Variants in ERBB4 observed in about 807,000 individuals in gnomAD.
The protein encoded by ERBB4 is receptor tyrosine-protein kinase erbB-4.
ERBB4 carries 42 observed loss-of-function variants against 158.0 expected under a neutral mutation model. The observed-to-expected ratio is 0.27, with a 90% CI of 0.21 to 0.34. The LOEUF is 0.34. ERBB4 is among the 10% of genes least tolerant of loss of function. The pLI is 1.00. For synonymous variants in ERBB4, 583 were observed against 558.7 expected (o/e 1.04, Z -0.61); for missense variants, 1,333 against 1,624.1 (o/e 0.82, Z 3.08).
intron 1 of ERBB4, among the ~76,000 whole-genome samples, chr2:212,141,066 C>A (rs772328047): frequency 3.3e-5 from 5 of 151,654 alleles, no homozygotes; most frequent in Non-Finnish European, 7.4e-5. Flanking sequence ...TATTATATAA[C>A]TAACGTCTAT....
chr2:211,918,813 T>C (rs1222072524), intron 3 of ERBB4, among the ~76,000 whole-genome samples: 1 of 152,170 alleles, frequency 6.6e-6, no homozygotes. Flanking sequence ...AGAATATTTT[T>C]GCCTGCATCC....
At chr2:211,867,970 C>A (rs773598009) in intron 3 of ERBB4, among the ~76,000 whole-genome samples, 2 of 152,188 alleles carry the variant, frequency 1.3e-5, no homozygotes, top group Non-Finnish European at 2.9e-5. Flanking sequence ...GCATCTTTTA[C>A]AATCATGGCA....
At chr2:211,555,044 A>T (rs2125708729) in intron 20 of ERBB4, among the ~76,000 whole-genome samples, 1 of 152,340 alleles carries the variant, frequency 6.6e-6, no homozygotes, top group South Asian at 2.1e-4. Context: ...ATAAAGCATC[A>T]AGAAGGCATA....
chr2:211,772,306 A>G (rs1453761728), intron 4 of ERBB4, among the ~76,000 whole-genome samples: 1 of 152,194 alleles, frequency 6.6e-6, no homozygotes, highest in East Asian at 1.9e-4. Flanking sequence ...ATATGGTATA[A>G]TTTAAGACTG....
At chr2:212,502,194 G>A (rs1194243842) in intron 1 of ERBB4, among the ~76,000 whole-genome samples, 1 of 151,924 alleles carries the variant, frequency 6.6e-6, no homozygotes, top group Middle Eastern at 3.2e-3. Flanking sequence ...AGCTTATTAT[G>A]CATAAAATAA....
chr2:211,622,912 G>C (rs867092252), intron 18 of ERBB4, among the ~76,000 whole-genome samples: 1 of 132,614 alleles, frequency 7.5e-6, no homozygotes, highest in African/African-American at 2.9e-5. Flanking sequence ...GCAGTGAGTG[G>C]AGATCACACC....
chr2:211,507,440 T>C (rs2065779664), intron 20 of ERBB4, among the ~76,000 whole-genome samples: 1 of 152,094 alleles, frequency 6.6e-6, no homozygotes, highest in Non-Finnish European at 1.5e-5. Context: ...GCTTTGGCTA[T>C]TCAGGCTATT....
intron 2 of ERBB4, among the ~76,000 whole-genome samples, chr2:211,961,177 GA>G (rs948574555): frequency 5.9e-5 from 9 of 151,960 alleles, no homozygotes; most frequent in Non-Finnish European, 1.2e-4. Context: ...CAATAATAGA[GA>G]AAAAAATGAT....
intron 19 of ERBB4, among the ~76,000 whole-genome samples, chr2:211,606,522 A>G (rs1203535748): frequency 1.3e-5 from 2 of 152,112 alleles, no homozygotes; most frequent in East Asian, 3.9e-4. Context: ...TCTCTAATAA[A>G]CCTATTGATA....
At chr2:211,902,952 A>T (rs2079277060) in intron 3 of ERBB4, among the ~76,000 whole-genome samples, 1 of 151,972 alleles carries the variant, frequency 6.6e-6, no homozygotes, top group South Asian at 2.1e-4. Flanking sequence ...AGTAAAACTA[A>T]TTATCTCTGT....
chr2:212,473,294 A>T (rs899571072), intron 1 of ERBB4, among the ~76,000 whole-genome samples: 1 of 152,066 alleles, frequency 6.6e-6, no homozygotes. Flanking sequence ...TGGGAAAATA[A>T]GATGACTACT....
intron 1 of ERBB4, among the ~76,000 whole-genome samples, chr2:212,470,404 G>A (rs1689058097): frequency 6.6e-6 from 1 of 152,134 alleles, no homozygotes; most frequent in Admixed American, 6.6e-5. Flanking sequence ...AATAAGGATT[G>A]CCTATCATAG....
At chr2:211,601,040 G>A (rs1466355786) in intron 19 of ERBB4, among the ~76,000 whole-genome samples, 1 of 152,016 alleles carries the variant, frequency 6.6e-6, no homozygotes, top group South Asian at 2.1e-4. Flanking sequence ...GAACCCTGAG[G>A]GAGGAGACAA....
intron 5 of ERBB4, among the ~76,000 whole-genome samples, chr2:211,747,658 G>A (rs1341436588): frequency 6.6e-6 from 1 of 151,882 alleles, no homozygotes; most frequent in Non-Finnish European, 1.5e-5. Flanking sequence ...TTTTAGCACT[G>A]TATAAATTGA....
At chr2:212,244,534 G>A (rs1458984341) in intron 1 of ERBB4, among the ~76,000 whole-genome samples, 1 of 152,092 alleles carries the variant, frequency 6.6e-6, no homozygotes, top group Non-Finnish European at 1.5e-5. Context: ...ATCTTAACCT[G>A]TTTATATTTT....
intron 1 of ERBB4, among the ~76,000 whole-genome samples, chr2:212,474,212 T>G (rs905408140): frequency 6.6e-6 from 1 of 152,098 alleles, no homozygotes; most frequent in Non-Finnish European, 1.5e-5. Flanking sequence ...AGTGATTTTT[T>G]TTTTTTTAGT....
rs374214157 is a variant in ERBB4 at position 211,917,039 on chromosome 2, G to A, written c.421+30391C>T. On this transcript the variant is annotated intron_variant, in intron 3 of 27. Coordinates refer to ENST00000342788, the MANE Select transcript of ERBB4 (RefSeq NM_005235.3). ...TGATACCAGTGGTTACAACTAGGGA[G>A]GGACCCAAGGGAGGCAAGGTGGCCA... Among the ~76,000 whole-genome samples the A allele has an allele frequency of 5.8e-4, 89 of 152,244 alleles. 3 individuals carry two copies. The South Asian group carries it at 0.012, about 21-fold the overall frequency.
intron 3 of ERBB4, among the ~76,000 whole-genome samples, chr2:211,913,434 C>T (rs1399754434): frequency 2.0e-5 from 3 of 151,880 alleles, no homozygotes; most frequent in East Asian, 3.9e-4. Flanking sequence ...AACCTCGTCT[C>T]GACTAAAACT....
chr2:212,244,977 G>A (rs1574508403), intron 1 of ERBB4, among the ~76,000 whole-genome samples: 1 of 152,170 alleles, frequency 6.6e-6, no homozygotes, highest in East Asian at 1.9e-4. Context: ...TTTTATAGAT[G>A]TTAAGGGAGT....
Sources: gnomAD v4.1 joint callset for allele counts (sites outside exome capture counted in the v4.1 genomes callset) on GRCh38, gnomAD v4.1.1 for gene constraint, MANE v1.5 for transcripts, NCBI Gene and HGNC (gene_info 2026-07-23, HGNC 2026-07-21) for gene names.